The following FGF13 variants were observed in gnomAD, a reference collection of about 807,000 sequenced individuals.
FGF13 encodes fibroblast growth factor homologous factor 2.
In FGF13, 2 loss-of-function variants were observed where a neutral mutation model predicts 19.5. The observed-to-expected ratio is 0.10, with a 90% CI of 0.04 to 0.32. The LOEUF is 0.32. Among genes scored for constraint, FGF13 ranks in the 10% least tolerant of loss-of-function variants. FGF13 has a pLI of 1.00. For missense variants in FGF13, 113 were observed against 192.7 expected, an observed-to-expected ratio of 0.59 and a Z score of 2.45; for synonymous variants, 72 against 76.9, an observed-to-expected ratio of 0.94 and a Z score of 0.33.
intron 3 of FGF13, among the ~76,000 whole-genome samples, chrX:138,843,315 G>A (rs1415747354): frequency 1.8e-5 from 2 of 112,116 alleles, no homozygotes; most frequent in Non-Finnish European, 3.8e-5. Flanking sequence ...AGGATGACAG[G>A]ATATCAAAGG....
At chrX:138,738,808 A>G (rs1230562904) in intron 1 of FGF13, among the ~76,000 whole-genome samples, 1 of 112,109 alleles carries the variant, frequency 8.9e-6, no homozygotes, top group Non-Finnish European at 1.9e-5. Flanking sequence ...CTAAAAGAAA[A>G]ATACATTAAA....
intron 3 of FGF13, among the ~76,000 whole-genome samples, chrX:138,783,096 A>G (rs1237814584): frequency 5.1e-5 from 5 of 98,792 alleles, no homozygotes; most frequent in African/African-American, 1.9e-4. Context: ...GGTACTGGGA[A>G]AACTGGCTAG....
chrX:138,915,948 A>T (rs568737), intron 1 of FGF13, among the ~76,000 whole-genome samples: 2 of 110,558 alleles, frequency 1.8e-5, no homozygotes, highest in South Asian at 7.8e-4. Flanking sequence ...ATCACATTTA[A>T]TTCTTACCCA....
rs1033441928 is a variant in FGF13 at position 138,772,160 on chromosome X, AAAAAT to A, written c.218-63237_218-63233del. On this transcript the variant is annotated intron_variant, in intron 3 of 6. Transcript: ENST00000436198. ...TTTTAAAATTAATATACTGAATGTA[AAAAAT>A]AAAATAAGATTTCAACTGGAAAAAA... Among the ~76,000 whole-genome samples the A allele has an allele frequency of 1.9e-3, 202 of 106,602 alleles. 2 individuals carry two copies. Among genetic ancestry groups the A allele is most frequent in the African/African-American group, 6.4e-3 (189 of 29,646 alleles). 92.6% of individuals were successfully genotyped at this position (106,602 alleles called of 115,157 possible).
At chrX:138,882,323 T>C (rs985464922) in intron 1 of FGF13, among the ~76,000 whole-genome samples, 4 of 111,520 alleles carry the variant, frequency 3.6e-5, no homozygotes, top group African/African-American at 1.3e-4. Context: ...TAACTTTCCA[T>C]GTGCACTTGA....
At chrX:138,940,577 G>GTCTT (rs1223594543) in intron 1 of FGF13, among the ~76,000 whole-genome samples, 31 of 111,874 alleles carry the variant, frequency 2.8e-4, no homozygotes, top group Admixed American at 2.7e-3. Flanking sequence ...TTACATTTAA[G>GTCTT]TCTTTAATCC....
chrX:138,675,581 T>A (rs17510186), intron 3 of FGF13, among the ~76,000 whole-genome samples: 1,394 of 111,622 alleles, frequency 0.012, 7 homozygotes, highest in Middle Eastern at 0.028. Context: ...GAATAACATC[T>A]ATAAAATATT....
chrX:139,149,639 T>G (rs760278225), intron 1 of FGF13, among the ~76,000 whole-genome samples: 4 of 111,968 alleles, frequency 3.6e-5, no homozygotes, highest in Non-Finnish European at 5.6e-5. Context: ...TGAATAAGAT[T>G]ATTTGAGCAG....
intron 1 of FGF13, among the ~76,000 whole-genome samples, chrX:138,969,691 A>G (rs571396584): frequency 4.5e-5 from 5 of 111,769 alleles, no homozygotes; most frequent in African/African-American, 1.6e-4. Context: ...ACACCACTAC[A>G]GCAAATTAGA....
Position 138,624,301 on chromosome X carries a change from G to A in FGF13, c.*8549C>T, listed in dbSNP as rs1160996475. On this transcript the variant is annotated 3_prime_UTR_variant, in exon 5 of 5. Coordinates refer to ENST00000315930, the MANE Select transcript of FGF13 (RefSeq NM_004114.5). ...ATATGATCAACAAATCTTCAACAAA[G>A]GCACTAAAAACACATCATGGGGAAA... The A allele has an allele frequency of 1.8e-5, 2 of 111,352 alleles. No individual in the cohort carries two copies. Among genetic ancestry groups the A allele is most frequent in the Admixed American group, 9.5e-5 (1 of 10,473 alleles). The allele number at this position is 111,352 out of a possible 1,213,427, so 9.2% of individuals were successfully genotyped here.
At chrX:139,009,711 A>G (rs2092119903) in intron 1 of FGF13, among the ~76,000 whole-genome samples, 1 of 111,761 alleles carries the variant, frequency 8.9e-6, no homozygotes, top group African/African-American at 3.3e-5. Flanking sequence ...TTAAAGCATA[A>G]ATCTCACAGG....
chrX:138,616,881 A>T lies in FGF13; in HGVS notation c.*15969T>A, dbSNP rs976383558. ...TCTCTGAAACAATGGCCTGAGCTGT[A>T]TGTTGGCCCCTTTTAGCCACAGCTG... is the stretch of plus-strand genomic sequence containing the variant. On this transcript the variant is annotated 3_prime_UTR_variant, in exon 5 of 5. Transcript: ENST00000315930. The T allele has an allele frequency of 1.8e-5, 2 of 112,126 alleles. No individual in the cohort carries two copies. Among genetic ancestry groups the T allele is most frequent in the South Asian group, 3.7e-4 (1 of 2,692 alleles). The allele number at this position is 112,126 out of a possible 1,213,427, so 9.2% of individuals were successfully genotyped here.
chrX:139,062,028 C>T (rs182851794), intron 1 of FGF13, among the ~76,000 whole-genome samples: 4 of 110,718 alleles, frequency 3.6e-5, no homozygotes, highest in Admixed American at 2.9e-4. Flanking sequence ...GTCTCTTCAC[C>T]CTATTGTTTC....
chrX:138,850,234 A>G (rs2091213031), intron 3 of FGF13, among the ~76,000 whole-genome samples: 2 of 112,062 alleles, frequency 1.8e-5, no homozygotes, highest in South Asian at 7.4e-4. Flanking sequence ...TGTCCATCTT[A>G]TCATGAAAGT....
intron 1 of FGF13, among the ~76,000 whole-genome samples, chrX:139,199,599 T>C (rs1047167925): frequency 1.8e-5 from 2 of 111,530 alleles, no homozygotes; most frequent in Admixed American, 9.5e-5. Context: ...TCAAATTCTC[T>C]CCCTGATTCC....
intron 1 of FGF13, among the ~76,000 whole-genome samples, chrX:139,026,619 T>A (rs2092202123): frequency 1.8e-5 from 2 of 111,749 alleles, no homozygotes; most frequent in South Asian, 3.8e-4. Context: ...GCCGGGACAG[T>A]CCAGTTTCTC....
intron 1 of FGF13, among the ~76,000 whole-genome samples, chrX:138,866,262 A>T (rs2091322355): frequency 8.9e-6 from 1 of 112,602 alleles, no homozygotes; most frequent in South Asian, 3.7e-4. Flanking sequence ...CTTGGGCCTT[A>T]GTAGTTTAGA....
intron 1 of FGF13, among the ~76,000 whole-genome samples, chrX:138,910,361 A>T (rs1426416759): frequency 9.0e-6 from 1 of 111,009 alleles, no homozygotes; most frequent in African/African-American, 3.3e-5. Context: ...CCTAGAGGTG[A>T]CATTGGTACC....
chrX:138,979,814 C>A (rs1456299808), intron 1 of FGF13, among the ~76,000 whole-genome samples: 1 of 111,503 alleles, frequency 9.0e-6, no homozygotes, highest in Non-Finnish European at 1.9e-5. Context: ...AGCTACCTAT[C>A]TTTATGTTAG....
Sources: allele counts gnomAD v4.1 joint callset (sites outside exome capture counted in the v4.1 genomes callset), GRCh38; gene constraint gnomAD v4.1.1; transcripts MANE v1.5; gene names NCBI Gene and HGNC (gene_info 2026-07-23, HGNC 2026-07-21).